CELF3: variants seen among roughly 807,000 people sequenced by gnomAD.
The protein encoded by CELF3 is CAG repeat domain.
In CELF3, 26 loss-of-function variants were observed where a neutral mutation model predicts 59.6. The observed-to-expected ratio is 0.44, with a 90% CI of 0.32 to 0.61. The LOEUF (loss-of-function observed/expected upper bound fraction) is 0.61, where lower values mean the gene tolerates loss of function less well. CELF3 is among the 20% of genes least tolerant of loss of function. CELF3 has a pLI of 0.06. For synonymous variants in CELF3, 245 were observed against 250.7 expected (o/e 0.98, Z 0.22); for missense variants, 387 against 627.2 (o/e 0.62, Z 4.09).
chr1:151,711,527 C>T (rs1673016689), intron 2 of CELF3, among the ~76,000 whole-genome samples: 2 of 151,812 alleles, frequency 1.3e-5, no homozygotes, highest in Non-Finnish European at 2.9e-5. Context: ...GCCAATCTGC[C>T]CCCAGCTTTA....
chr1:151,701,756 A>C lies in CELF3; in HGVS notation c.*1703T>G, dbSNP rs182795342. Among the ~76,000 whole-genome samples the C allele has an allele frequency of 4.4e-3, 661 of 151,852 alleles. 2 individuals are homozygous for C. The highest frequency in any genetic ancestry group is 0.031 in the Middle Eastern group (9 of 292). On this transcript the variant is annotated 3_prime_UTR_variant, in exon 13 of 13. Coordinates refer to ENST00000290583, the MANE Select transcript of CELF3 (RefSeq NM_007185.7). ...TAGCAAGACCCTGTCTACAAAAAAAAACACCATTTTTAAAAATGAGCTGGG... is the reference window on the plus strand; with the variant it reads ...TAGCAAGACCCTGTCTACAAAAAAACACACCATTTTTAAAAATGAGCTGGG...
chr1:151,700,331 T>C lies in CELF3; in HGVS notation c.*3128A>G, dbSNP rs553202203. Among the ~76,000 whole-genome samples the C allele has an allele frequency of 1.6e-4, 25 of 152,308 alleles. No individual in the cohort carries two copies. Among genetic ancestry groups the C allele is most frequent in the Admixed American group, 5.2e-4 (8 of 15,296 alleles). On this transcript the variant is annotated 3_prime_UTR_variant, in exon 13 of 13. Coordinates refer to ENST00000290583, the MANE Select transcript of CELF3 (RefSeq NM_007185.7). Reference sequence around the variant, plus strand: ...AAGTAGTGTTTAAGGTGAACTGTTTTAGTGTGAGAAGGATTTCAACAAGAA... The same window carrying C: ...AAGTAGTGTTTAAGGTGAACTGTTTCAGTGTGAGAAGGATTTCAACAAGAA...
chr1:151,705,258 T>A lies in CELF3; in HGVS notation c.1271-90A>T. On this transcript the variant is annotated intron_variant, in intron 11 of 12. Coordinates refer to ENST00000290583, the MANE Select transcript of CELF3 (RefSeq NM_007185.7). This position sits in a 1 kb window ranked among gnomAD's most constrained non-coding sequence, Gnocchi z 5.1. ...CTGGCACTACCCTGTGTCTCCCAAG[T>A]GTCCCAAATGCCTAGAAAGCTGCCT... 1 of 1,416,310 alleles carries A rather than the reference T, an allele frequency of 7.1e-7. No homozygotes were observed. Among genetic ancestry groups the A allele is most frequent in the Non-Finnish European group, 9.5e-7 (1 of 1,048,658 alleles). 87.7% of individuals were successfully genotyped at this position (1,416,310 alleles called of 1,614,324 possible).
chr1:151,700,516 C>G lies in CELF3; in HGVS notation c.*2943G>C, dbSNP rs1376750005. Among the ~76,000 whole-genome samples, 1 of 152,138 alleles carries G rather than the reference C, an allele frequency of 6.6e-6. No homozygotes were observed. The highest frequency in any genetic ancestry group is 1.5e-5 in the Non-Finnish European group (1 of 68,014). Reference sequence around the variant, plus strand: ...AAGTGGAAAGTAAGGCTTCGAAGAGCCTTGAATGCCAGGCTGAGGTGTTCT... The same window carrying G: ...AAGTGGAAAGTAAGGCTTCGAAGAGGCTTGAATGCCAGGCTGAGGTGTTCT... On this transcript the variant is annotated 3_prime_UTR_variant, in exon 13 of 13. Coordinates refer to ENST00000290583, the MANE Select transcript of CELF3 (RefSeq NM_007185.7).
chr1:151,704,831 G>C (rs1389775408), intron 12 of CELF3, among the ~76,000 whole-genome samples, 200 bp downstream of exon 12: 1 of 152,162 alleles, frequency 6.6e-6, no homozygotes. Context: ...GAGAGAGAGA[G>C]AGAGAGAGAG....
intron 8 of CELF3, 65 bp from the exon 9 acceptor site, chr1:151,706,799 C>T: frequency 1.6e-6 from 2 of 1,259,692 alleles, no homozygotes; most frequent in Non-Finnish European, 2.2e-6. Flanking sequence ...CAGTGCCTCT[C>T]TGGGCCTCTG....
At chr1:151,704,145 G>A (rs1271807766) in intron 12 of CELF3, among the ~76,000 whole-genome samples, 1 of 152,118 alleles carries the variant, frequency 6.6e-6, no homozygotes, top group Non-Finnish European at 1.5e-5. Context: ...CCCGGAGCAG[G>A]GGTCCGGGGA....
intron 2 of CELF3, among the ~76,000 whole-genome samples, chr1:151,712,275 G>A (rs915305220): frequency 6.6e-6 from 1 of 152,120 alleles, no homozygotes; most frequent in Admixed American, 6.6e-5. Flanking sequence ...CAGTATAGCC[G>A]AGCCCCTCCA....
rs766786139 is a variant in CELF3 at position 151,706,779 on chromosome 1, T to C, written c.923-45A>G. 3.5e-5 allele frequency: 51 copies of C among 1,445,270 alleles called. 1 individual carries two copies. The Middle Eastern group carries it at 1.3e-3, about 36-fold the overall frequency. The allele number at this position is 1,445,270 out of a possible 1,614,324, so 89.5% of individuals were successfully genotyped here. On this transcript the variant is annotated intron_variant, in intron 8 of 12. Coordinates refer to ENST00000290583, the MANE Select transcript of CELF3 (RefSeq NM_007185.7). ...CTATGAGCGTGGACCTGGCACACAGTGGGGGCCCTCAGTGCCTCTCTGGGC... is the reference window on the plus strand; with the variant it reads ...CTATGAGCGTGGACCTGGCACACAGCGGGGGCCCTCAGTGCCTCTCTGGGC...
chr1:151,700,148 C>A lies in CELF3; in HGVS notation c.*3311G>T, dbSNP rs1237336640. Among the ~76,000 whole-genome samples, 2 of 151,974 alleles carry A rather than the reference C, an allele frequency of 1.3e-5. No homozygotes were observed. Among genetic ancestry groups the A allele is most frequent in the African/African-American group, 4.8e-5 (2 of 41,346 alleles). On this transcript the variant is annotated 3_prime_UTR_variant, in exon 13 of 13. Transcript: ENST00000290583. Reference sequence around the variant, plus strand: ...TGAGATACTGCAACAGACACAAAAGCAAAGAAAGAAACATTTCTGCCAGCT... The same window carrying A: ...TGAGATACTGCAACAGACACAAAAGAAAAGAAAGAAACATTTCTGCCAGCT...
intron 12 of CELF3, among the ~76,000 whole-genome samples, chr1:151,703,894 G>T (rs1672293109): frequency 6.6e-6 from 1 of 152,124 alleles, no homozygotes; most frequent in Non-Finnish European, 1.5e-5. Context: ...GAGTCTCATG[G>T]GGTGAGACCA....
In CELF3 at chr1:151,714,399, C is replaced by T. The variant is rs147501318; in HGVS notation, c.228+195G>A. On this transcript the variant is annotated intron_variant, in intron 2 of 12. Transcript: ENST00000290583. ...TAAAAGTCATGTTTACGCCACTAAT[C>T]GCTGCTTTCCTTCTCTCCAGGTAAC... The T allele has an allele frequency of 7.6e-4, 492 of 646,486 alleles. 10 individuals carry two copies. Among genetic ancestry groups the T allele is most frequent in the East Asian group, 7.6e-3 (278 of 36,746 alleles). The allele number at this position is 646,486 out of a possible 1,614,324, so 40.0% of individuals were successfully genotyped here.
intron 2 of CELF3, chr1:151,710,895 A>G (rs1672970091): frequency 2.2e-6 from 1 of 454,306 alleles, no homozygotes; most frequent in Non-Finnish European, 4.4e-6. Context: ...GAGAAAGAGG[A>G]GAAGGACTTA....
At position 151,706,228 on chromosome 1, in the gene CELF3, T is replaced by C. The variant is rs1307989947; in HGVS notation, c.1122A>G (p.Arg374=). Residue 374 remains arginine (R), a synonymous_variant, in exon 10 of 13, where the codon AGA becomes AGG. Coordinates refer to ENST00000290583, the MANE Select transcript of CELF3 (RefSeq NM_007185.7). ...QQQQQQQQQQ[R]EGPDGCNIFI... Reference sequence around the variant, plus strand: ...TCCCAAGGCCCCAGCCAGCACCTTCTCTTTGCTGCTGCTGCTGTTGCTGCT... The same window carrying C: ...TCCCAAGGCCCCAGCCAGCACCTTCCCTTTGCTGCTGCTGCTGTTGCTGCT... 5.0e-6 allele frequency: 8 copies of C among 1,609,358 alleles called. No homozygotes were observed. In the Admixed American group the frequency reaches 1.3e-4, roughly 27 times the overall value.
At chr1:151,706,116 TTGCTTTCATCC>T in intron 10 of CELF3, 97 bp downstream of exon 10, 1 of 1,600,580 alleles carries the variant, frequency 6.2e-7, no homozygotes, top group Non-Finnish European at 8.5e-7. Context: ...CCCTCCCCAC[TTGCTTTCATCC>T]TGACACGTGG....
In CELF3 at chr1:151,709,257, C is replaced by T; in HGVS notation, c.369G>A (p.Glu123=). The part of the protein sequence containing the change: ...KMFEPFGTID[E]CTVLRGPDGT... The stretch of plus-strand genomic sequence containing the variant: ...CATCTGGCCCCCGGAGCACAGTGCA[C>T]TCGTCGATGGTCCCGAAGGGCTCAA... Residue 123 remains glutamate (E), a synonymous_variant, in exon 4 of 13, where the codon GAG becomes GAA. Coordinates refer to ENST00000290583, the MANE Select transcript of CELF3 (RefSeq NM_007185.7). This position sits in a 1 kb window ranked among gnomAD's most constrained non-coding sequence, Gnocchi z 4.9. The T allele has an allele frequency of 6.2e-7, 1 of 1,614,086 alleles. No individual in the cohort carries two copies.
Position 151,709,773 on chromosome 1 carries a change from C to T in CELF3, c.247G>A (p.Val83Ile). 1.2e-6 allele frequency: 2 copies of T among 1,614,194 alleles called. No individual in the cohort carries two copies. Among genetic ancestry groups the T allele is most frequent in the Non-Finnish European group, 1.7e-6 (2 of 1,180,016 alleles). The change falls in exon 3 of 13, where the codon GTC (valine) becomes ATC (isoleucine). Residue 83 changes from valine (V) to isoleucine (I), a missense_variant. Physicochemically the swap from Val to Ile is conservative, Grantham distance 29. This residue lies in a region of CELF3 where 208 missense variants were observed against 354.8 expected (regional missense o/e 0.59). Coordinates refer to ENST00000290583, the MANE Select transcript of CELF3 (RefSeq NM_007185.7). The surrounding 1 kb of genome is among the most constrained non-coding windows in gnomAD (Gnocchi z 4.9). ...TLPGMNRPIQ[V>I]KPADSESRGE... ...CGGCTCTCGCTGTCGGCTGGCTTGA[C>T]CTGGATCGGCCTGTTCATCTGAAGG...
chr1:151,700,842 G>A lies in CELF3; in HGVS notation c.*2617C>T, dbSNP rs1429209781. On this transcript the variant is annotated 3_prime_UTR_variant, in exon 13 of 13. Transcript: ENST00000290583. ...ATGAGTCAGGACTTTATGGGAGAAAGTTTTAGCATTGGCCCTATGATGATG... is the reference window on the plus strand; with the variant it reads ...ATGAGTCAGGACTTTATGGGAGAAAATTTTAGCATTGGCCCTATGATGATG... Among the ~76,000 whole-genome samples the A allele has an allele frequency of 6.6e-6, 1 of 152,202 alleles. No homozygotes were observed. The highest frequency in any genetic ancestry group is 1.5e-5 in the Non-Finnish European group (1 of 68,036).
Position 151,706,661 on chromosome 1 carries a change from C to G in CELF3, c.988+8G>C. The G allele has an allele frequency of 6.4e-7, 1 of 1,551,230 alleles. No homozygotes were observed. ...ACCTGAGCAGGGGCCCTGGCTAGGG[C>G]GCCTCACCTGTGTAGTGCTGCATCC... On this transcript the variant is annotated splice_region_variant and intron_variant, in intron 9 of 12. Coordinates refer to ENST00000290583, the MANE Select transcript of CELF3 (RefSeq NM_007185.7).
Sources: gnomAD v4.1 joint callset for allele counts (sites outside exome capture counted in the v4.1 genomes callset) on GRCh38, gnomAD v4.1.1 for gene constraint, gnomAD v4.1.1 regional missense constraint, Gnocchi (gnomAD v3.1) non-coding constraint, MANE v1.5 for transcripts, NCBI Gene and HGNC (gene_info 2026-07-23, HGNC 2026-07-21) for gene names.